The following FRMD4A variants were observed in gnomAD, a reference collection of about 807,000 sequenced individuals.
The protein encoded by FRMD4A is FERM domain-containing protein 4A.
A neutral mutation model predicts 129.1 loss-of-function variants in FRMD4A; 29 were observed. That is an observed-to-expected ratio of 0.22 (90% CI 0.17 to 0.31). The LOEUF (loss-of-function observed/expected upper bound fraction) is 0.31. Among genes scored for constraint, FRMD4A ranks in the 10% least tolerant of loss-of-function variants. FRMD4A has a pLI of 1.00. For missense variants in FRMD4A, 1,272 were observed against 1,375.8 expected (o/e 0.92, Z 1.19); for synonymous variants, 634 against 571.6 (o/e 1.11, Z -1.56).
chr10:14,078,054 C>A (rs1835712804), intron 2 of FRMD4A, among the ~76,000 whole-genome samples: 1 of 152,198 alleles, frequency 6.6e-6, no homozygotes, highest in Non-Finnish European at 1.5e-5. Context: ...CTGATGATGA[C>A]CCTGGCTTCA....
chr10:13,868,203 T>G (rs1452311143), intron 2 of FRMD4A, among the ~76,000 whole-genome samples: 1 of 151,764 alleles, frequency 6.6e-6, no homozygotes, highest in Non-Finnish European at 1.5e-5. Flanking sequence ...AAAGGTTGAT[T>G]GTAATTTTTT....
intron 2 of FRMD4A, among the ~76,000 whole-genome samples, chr10:14,277,573 A>C (rs1461390174): frequency 2.0e-5 from 3 of 152,206 alleles, no homozygotes; most frequent in Non-Finnish European, 4.4e-5. Flanking sequence ...TTGTTAAACC[A>C]CCCAGTTTAT....
At chr10:14,042,172 C>T (rs1413814187) in intron 2 of FRMD4A, among the ~76,000 whole-genome samples, 1 of 152,226 alleles carries the variant, frequency 6.6e-6, no homozygotes, top group African/African-American at 2.4e-5. Context: ...TTAGCTCCCA[C>T]CATGTAGCCT....
intron 7 of FRMD4A, among the ~76,000 whole-genome samples, chr10:13,762,207 C>T (rs987221616): frequency 6.6e-6 from 1 of 152,128 alleles, no homozygotes; most frequent in Non-Finnish European, 1.5e-5. Context: ...TCTATAACAT[C>T]TTTTTTTACG....
intron 2 of FRMD4A, among the ~76,000 whole-genome samples, chr10:14,184,565 ATTTG>A (rs996888086): frequency 6.6e-6 from 1 of 152,076 alleles, no homozygotes; most frequent in African/African-American, 2.4e-5. Flanking sequence ...ATTTAAGGGA[ATTTG>A]TTTGCTCAAC....
intron 2 of FRMD4A, among the ~76,000 whole-genome samples, chr10:14,224,666 T>C (rs531777338): frequency 7.2e-5 from 11 of 152,302 alleles, no homozygotes; most frequent in African/African-American, 2.6e-4. Flanking sequence ...CCCACCTAGA[T>C]TCCAGTCCCA....
At chr10:13,884,154 T>TCACACACACG (rs1564970810) in intron 2 of FRMD4A, among the ~76,000 whole-genome samples, 6 of 111,226 alleles carry the variant, frequency 5.4e-5, no homozygotes, top group African/African-American at 2.1e-4. Flanking sequence ...TCTCACACAC[T>TCACACACACG]CTCACACACA....
At chr10:13,881,899 G>T (rs1174405529) in intron 2 of FRMD4A, among the ~76,000 whole-genome samples, 1 of 151,516 alleles carries the variant, frequency 6.6e-6, no homozygotes, top group Non-Finnish European at 1.5e-5. Flanking sequence ...GTCCCAGGCA[G>T]GAAAGGGATG....
intron 8 of FRMD4A, among the ~76,000 whole-genome samples, 172 bp from the exon 9 acceptor site, chr10:13,747,991 C>T (rs539645840): frequency 3.9e-5 from 6 of 152,126 alleles, no homozygotes; most frequent in Non-Finnish European, 7.3e-5. Context: ...CAGATGTAAA[C>T]GAAGGCAGAA....
At chr10:14,116,027 G>A (rs902223251) in intron 2 of FRMD4A, among the ~76,000 whole-genome samples, 3 of 152,354 alleles carry the variant, frequency 2.0e-5, no homozygotes, top group South Asian at 4.1e-4. Flanking sequence ...TCAGTGAATG[G>A]CTGAAGAAGT....
intron 2 of FRMD4A, among the ~76,000 whole-genome samples, chr10:13,879,613 G>C (rs979476117): frequency 2.0e-5 from 3 of 152,066 alleles, no homozygotes; most frequent in African/African-American, 4.8e-5. Flanking sequence ...TTGTACAATG[G>C]CACATCTCAA....
chr10:13,756,876 T>C (rs971185909), intron 8 of FRMD4A, among the ~76,000 whole-genome samples: 5 of 152,196 alleles, frequency 3.3e-5, no homozygotes, highest in Non-Finnish European at 5.9e-5. Flanking sequence ...TAAATTAAAT[T>C]AGAATATAAC....
chr10:14,236,565 G>A (rs116620557), intron 2 of FRMD4A, among the ~76,000 whole-genome samples: 2,439 of 152,270 alleles, frequency 0.016, 61 homozygotes, highest in African/African-American at 0.054. Context: ...GCCAGGGTGC[G>A]CTGCCTCTGT....
At chr10:14,269,752 G>A (rs1051868854) in intron 2 of FRMD4A, among the ~76,000 whole-genome samples, 8 of 152,186 alleles carry the variant, frequency 5.3e-5, no homozygotes, top group Non-Finnish European at 1.0e-4. Context: ...GGGTGTCAAT[G>A]TGACTGAATT....
intron 19 of FRMD4A, among the ~76,000 whole-genome samples, chr10:13,661,382 C>G (rs2082628793): frequency 6.6e-6 from 1 of 152,120 alleles, no homozygotes; most frequent in African/African-American, 2.4e-5. Context: ...GGGCTTGAAC[C>G]AAAGTGTGGA....
At chr10:13,774,391 C>T (rs2092544759) in intron 6 of FRMD4A, among the ~76,000 whole-genome samples, 1 of 152,126 alleles carries the variant, frequency 6.6e-6, no homozygotes, top group African/African-American at 2.4e-5. Context: ...CACCTTTCCT[C>T]GCCTTTCTGC....
chr10:13,984,031 C>T (rs867519452), intron 2 of FRMD4A, among the ~76,000 whole-genome samples: 54 of 151,714 alleles, frequency 3.6e-4, no homozygotes, highest in African/African-American at 1.2e-3. Context: ...AACCACGGCT[C>T]CTCACTCAGC....
intron 3 of FRMD4A, among the ~76,000 whole-genome samples, chr10:13,842,635 G>T (rs561877729): frequency 9.8e-5 from 15 of 152,324 alleles, no homozygotes; most frequent in African/African-American, 3.6e-4. Context: ...AGCTTTTCCC[G>T]CATTGGTGGC....
intron 2 of FRMD4A, among the ~76,000 whole-genome samples, chr10:14,020,599 A>G (rs1002720461): frequency 3.9e-5 from 6 of 152,186 alleles, no homozygotes; most frequent in Non-Finnish European, 5.9e-5. Context: ...TAGCCTCTCA[A>G]ACCCCATGGG....
Sources: gnomAD v4.1 joint callset for allele counts (sites outside exome capture counted in the v4.1 genomes callset) on GRCh38, gnomAD v4.1.1 for gene constraint, MANE v1.5 for transcripts, NCBI Gene and HGNC (gene_info 2026-07-23, HGNC 2026-07-21) for gene names.